Variants in CANX observed in about 807,000 individuals in gnomAD.
CANX encodes calnexin.
Under a neutral mutation model 75.7 loss-of-function variants are expected in CANX, and 14 were observed. The observed-to-expected ratio is 0.19, with a 90% CI of 0.12 to 0.29. The LOEUF is 0.29. Among genes scored for constraint, CANX ranks in the 10% least tolerant of loss-of-function variants. CANX has a pLI of 1.00. For synonymous variants in CANX, 227 were observed against 236.9 expected (o/e 0.96, Z 0.38); for missense variants, 567 against 713.2 (o/e 0.79, Z 2.34).
intron 7 of CANX, among the ~76,000 whole-genome samples, chr5:179,713,965 A>C (rs1284804749): frequency 6.6e-6 from 1 of 152,108 alleles, no homozygotes; most frequent in Non-Finnish European, 1.5e-5. Context: ...TATTTCAATT[A>C]CTGTGATTTG....
chr5:179,696,356 A>G (rs1581827247), upstream of CANX, among the ~76,000 whole-genome samples: 1 of 139,678 alleles, frequency 7.2e-6, no homozygotes, highest in African/African-American at 2.6e-5. Context: ...GCTCACTGCA[A>G]CCTCTGCCTC....
intron 14 of CANX, among the ~76,000 whole-genome samples, chr5:179,727,202 G>A (rs1302243903): frequency 6.6e-6 from 1 of 152,208 alleles, no homozygotes; most frequent in Non-Finnish European, 1.5e-5. Flanking sequence ...GGCATTGTCA[G>A]TGAGTAAGAC....
intron 1 of CANX, among the ~76,000 whole-genome samples, chr5:179,688,064 T>C (rs1776221231): frequency 6.7e-6 from 1 of 150,156 alleles, no homozygotes; most frequent in East Asian, 2.0e-4. Context: ...CAGTATTCTT[T>C]TTTTTTTTTT....
Position 179,705,695 on chromosome 5 carries a change from G to A in CANX, c.14G>A (p.Trp5Ter), listed in dbSNP as rs761316605. The part of the protein sequence containing the change: MEGK[W>*]LLCMLLVLGT... ...TATGTGTAGATCATGGAAGGGAAGT[G>A]GTTGCTGTGTATGTTACTGGTGCTT... is the stretch of plus-strand genomic sequence containing the variant. The change falls in exon 2 of 15, where the codon TGG becomes TAG. Residue 5 changes from tryptophan (W) to a stop codon, truncating the protein, a stop_gained. Transcript: ENST00000247461. LOFTEE classifies it high-confidence loss of function. 1.3e-6 allele frequency: 2 copies of A among 1,561,056 alleles called. No individual in the cohort carries two copies. The highest frequency in any genetic ancestry group is 1.7e-6 in the Non-Finnish European group (2 of 1,151,910).
At chr5:179,713,373 A>G (rs572739919) in intron 7 of CANX, among the ~76,000 whole-genome samples, 56 of 152,330 alleles carry the variant, frequency 3.7e-4, no homozygotes, top group African/African-American at 1.3e-3. Context: ...AGCCCAGCTT[A>G]ACCTTTTTTT....
At chr5:179,684,956 T>TTTTTTTTTC in intron 1 of CANX, among the ~76,000 whole-genome samples, 1 of 98,998 alleles carries the variant, frequency 1.0e-5, no homozygotes, top group South Asian at 3.6e-4. Context: ...TTTTTTTTTT[T>TTTTTTTTTC]ACTAGAGACA....
At chr5:179,717,776 C>T (rs1455438088) in intron 8 of CANX, among the ~76,000 whole-genome samples, 1 of 151,164 alleles carries the variant, frequency 6.6e-6, no homozygotes, top group Non-Finnish European at 1.5e-5. Flanking sequence ...AGTGCAGTGG[C>T]GCCATCACGG....
intron 11 of CANX, 92 bp from the exon 12 acceptor site, chr5:179,723,568 T>A (rs1214716537): frequency 7.6e-7 from 1 of 1,317,580 alleles, no homozygotes; most frequent in East Asian, 2.4e-5. Context: ...TCCTGCGTAG[T>A]GCCATGCCAT....
At chr5:179,684,701 TTTG>T (rs1039677316) in intron 1 of CANX, among the ~76,000 whole-genome samples, 1 of 151,846 alleles carries the variant, frequency 6.6e-6, no homozygotes, top group Admixed American at 6.6e-5. Context: ...TTGCTGTTGT[TTTG>T]TTGTTGTTTT....
At chr5:179,680,025 C>T (rs963034663) in intron 1 of CANX, among the ~76,000 whole-genome samples, 2 of 130,820 alleles carry the variant, frequency 1.5e-5, no homozygotes, top group African/African-American at 5.7e-5. Context: ...ATTGGCCAGG[C>T]TGGTCTCGAA....
chr5:179,718,358 C>G (rs1778098824), intron 8 of CANX, among the ~76,000 whole-genome samples: 1 of 151,922 alleles, frequency 6.6e-6, no homozygotes, highest in Admixed American at 6.6e-5. Flanking sequence ...CTCCAAGTAG[C>G]TGGGACTACA....
chr5:179,720,392 G>A lies in CANX; in HGVS notation c.1026-12G>A, dbSNP rs1257415105. 3 of 1,612,552 alleles carry A rather than the reference G, an allele frequency of 1.9e-6. No homozygotes were observed. In the South Asian group the frequency reaches 3.3e-5, roughly 18 times the overall value. The stretch of plus-strand genomic sequence containing the variant: ...AGAACCTGTTTATAATTTGTTGTTT[G>A]TACCTCCGTAGGGATGAAGACATGG... On this transcript the variant is annotated splice_polypyrimidine_tract_variant and intron_variant, in intron 9 of 14. Transcript: ENST00000247461.
chr5:179,684,262 T>G (rs1026135519), intron 1 of CANX, among the ~76,000 whole-genome samples: 4 of 152,076 alleles, frequency 2.6e-5, no homozygotes, highest in Non-Finnish European at 4.4e-5. Flanking sequence ...GGTGGTGGCG[T>G]TTTTGAGACG....
At chr5:179,698,405 A>G, upstream of CANX, 1 of 1,236,088 alleles carries the variant, frequency 8.1e-7, no homozygotes, top group Non-Finnish European at 1.0e-6. Context: ...GCCGGCTCAC[A>G]CAGCGCGGAG....
At chr5:179,695,797 C>T (rs1490311973), upstream of CANX, among the ~76,000 whole-genome samples, 1 of 151,744 alleles carries the variant, frequency 6.6e-6, no homozygotes, top group African/African-American at 2.4e-5. Flanking sequence ...ACTACAGGCG[C>T]CCGCCACTGC....
chr5:179,700,487 A>G (rs1174170609), intron 1 of CANX: 1 of 152,276 alleles, frequency 6.6e-6, no homozygotes, highest in East Asian at 1.9e-4. Context: ...GTAAAGGACT[A>G]TGTGGGAGTT....
At chr5:179,717,409 T>A (rs909899639) in intron 8 of CANX, among the ~76,000 whole-genome samples, 1 of 152,210 alleles carries the variant, frequency 6.6e-6, no homozygotes, top group African/African-American at 2.4e-5. Flanking sequence ...ACTAACCTGC[T>A]TTCTGCCTCT....
In CANX at chr5:179,706,518, A is replaced by G. The variant is rs1373407170; in HGVS notation, c.245+187A>G. Among the ~76,000 whole-genome samples the G allele has an allele frequency of 3.9e-5, 6 of 152,246 alleles. No homozygotes were observed. In the South Asian group the frequency reaches 1.2e-3, roughly 32 times the overall value. On this transcript the variant is annotated intron_variant, in intron 3 of 14. Transcript: ENST00000247461. Reference sequence around the variant, plus strand: ...GAGTGCAATGGCGTGATACCGGCTCATTGCCACCTCCGTCTCCTGGGTTCA... The same window carrying G: ...GAGTGCAATGGCGTGATACCGGCTCGTTGCCACCTCCGTCTCCTGGGTTCA...
chr5:179,705,738 GGCTCATGAT>G lies in CANX; in HGVS notation c.59_67del (p.Ala20_Asp22del). ...TGGTGCTTGGAACTGCTATTGTTGA[GGCTCATGAT>G]GGACATGATGATGATGTGATTGATA... On this transcript the variant is annotated inframe_deletion, in exon 2 of 15. Coordinates refer to ENST00000247461, the MANE Select transcript of CANX (RefSeq NM_001746.4). 1 of 1,610,332 alleles carries G rather than the reference GGCTCATGAT, an allele frequency of 6.2e-7. No homozygotes were observed. Among genetic ancestry groups the G allele is most frequent in the Non-Finnish European group, 8.5e-7 (1 of 1,176,596 alleles).
Sources: allele counts gnomAD v4.1 joint callset (sites outside exome capture counted in the v4.1 genomes callset), GRCh38; gene constraint gnomAD v4.1.1; transcripts MANE v1.5; gene names NCBI Gene and HGNC (gene_info 2026-07-23, HGNC 2026-07-21).